IPO11: variants seen among roughly 807,000 people sequenced by gnomAD.
IPO11 encodes importin-11.
IPO11 carries 66 observed loss-of-function variants against 143.2 expected under a neutral mutation model. That is an observed-to-expected ratio of 0.46 (90% CI 0.38 to 0.57). IPO11 has a LOEUF of 0.57. IPO11 is among the 20% of genes least tolerant of loss of function. The pLI is 0.00. For synonymous variants in IPO11, 385 were observed against 377.8 expected (o/e 1.02, Z -0.22); for missense variants, 1,026 against 1,141.0 (o/e 0.90, Z 1.45).
chr5:62,617,201 T>C (rs73760842), intron 29 of IPO11, among the ~76,000 whole-genome samples: 2,232 of 152,332 alleles, frequency 0.015, 53 homozygotes, highest in African/African-American at 0.052. Flanking sequence ...TCTCAGTCCC[T>C]GTAATAAAAA....
At chr5:62,480,542 T>G (rs1746151255) in intron 9 of IPO11, among the ~76,000 whole-genome samples, 1 of 152,208 alleles carries the variant, frequency 6.6e-6, no homozygotes, top group Non-Finnish European at 1.5e-5. Flanking sequence ...GTATGGCCAT[T>G]TTCACGATAT....
intron 27 of IPO11, among the ~76,000 whole-genome samples, chr5:62,571,927 C>T (rs952104233): frequency 1.3e-5 from 2 of 152,128 alleles, no homozygotes; most frequent in Admixed American, 1.3e-4. Context: ...CTCAGGTGAT[C>T]CACCCACCTC....
chr5:62,507,845 C>A (rs1741604676), intron 19 of IPO11, among the ~76,000 whole-genome samples: 1 of 152,154 alleles, frequency 6.6e-6, no homozygotes, highest in Non-Finnish European at 1.5e-5. Context: ...TTTCTGTCTA[C>A]ACTCATCTTT....
intron 23 of IPO11, 80 bp from the exon 24 acceptor site, chr5:62,537,129 A>G: frequency 7.2e-6 from 6 of 835,762 alleles, no homozygotes; most frequent in South Asian, 3.3e-5. Flanking sequence ...GTATATTATA[A>G]TGAATCCCAA....
chr5:62,613,901 CAG>C (rs1187281232), intron 29 of IPO11, among the ~76,000 whole-genome samples: 2 of 152,130 alleles, frequency 1.3e-5, no homozygotes, highest in African/African-American at 4.8e-5. Context: ...AAGATGATTC[CAG>C]CCCCCGAAGG....
At chr5:62,550,540 G>C (rs1186623972) in intron 25 of IPO11, 78 bp downstream of exon 25, 3 of 933,026 alleles carry the variant, frequency 3.2e-6, no homozygotes, top group African/African-American at 3.4e-5. Context: ...AGATACAGAA[G>C]GAAAGCTTTT....
intron 1 of IPO11, 93 bp from the exon 2 acceptor site, chr5:62,437,181 C>A: frequency 1.0e-6 from 1 of 991,560 alleles, no homozygotes; most frequent in Non-Finnish European, 1.5e-6. Flanking sequence ...GGGAGTAATT[C>A]AGAACATGAA....
chr5:62,525,730 A>G (rs376922784), intron 20 of IPO11, among the ~76,000 whole-genome samples: 1 of 152,232 alleles, frequency 6.6e-6, no homozygotes, highest in East Asian at 1.9e-4. Context: ...AATCTGTTCC[A>G]TAATTCGGTT....
intron 16 of IPO11, among the ~76,000 whole-genome samples, chr5:62,501,657 T>C (rs898866422): frequency 2.0e-5 from 3 of 152,188 alleles, no homozygotes; most frequent in Non-Finnish European, 4.4e-5. Flanking sequence ...TGATACCAGA[T>C]TGTATAATTC....
rs1746660299 is a variant in IPO11, at chr5:62,628,476, C to T, written c.*1158C>T. 6.6e-6 allele frequency: 1 copy of T among 152,524 alleles called. No individual in the cohort carries two copies. The highest frequency in any genetic ancestry group is 6.6e-5 in the Admixed American group (1 of 15,266). 9.4% of individuals were successfully genotyped at this position (152,524 alleles called of 1,614,324 possible). On this transcript the variant is annotated 3_prime_UTR_variant, in exon 30 of 30. Transcript: ENST00000325324. ...GGTACAGTATGTAACTGCGGGAAAC[C>T]CACTGCCCCTTTGTAAGCTGTGGAA...
At chr5:62,615,273 T>TC (rs1746089623) in intron 29 of IPO11, among the ~76,000 whole-genome samples, 1 of 152,152 alleles carries the variant, frequency 6.6e-6, no homozygotes, top group Non-Finnish European at 1.5e-5. Flanking sequence ...AACAACCCCC[T>TC]CCAATAACAA....
At chr5:62,593,945 T>G (rs1355640444) in intron 28 of IPO11, among the ~76,000 whole-genome samples, 1 of 152,216 alleles carries the variant, frequency 6.6e-6, no homozygotes, top group African/African-American at 2.4e-5. Context: ...AAATAAACTT[T>G]CAGAAATGCC....
chr5:62,556,281 C>T (rs960717584), intron 26 of IPO11, among the ~76,000 whole-genome samples: 2 of 152,238 alleles, frequency 1.3e-5, no homozygotes, highest in Admixed American at 6.5e-5. Context: ...GCTGAGATTG[C>T]ACCACTGCTC....
intron 18 of IPO11, among the ~76,000 whole-genome samples, chr5:62,505,714 C>T (rs536339368): frequency 2.0e-5 from 3 of 151,988 alleles, no homozygotes; most frequent in East Asian, 3.9e-4. Flanking sequence ...TTTTGATTTC[C>T]TAATAAGAAC....
At chr5:62,455,418 G>A (rs1365959273) in intron 5 of IPO11, among the ~76,000 whole-genome samples, 1 of 152,180 alleles carries the variant, frequency 6.6e-6, no homozygotes, top group Non-Finnish European at 1.5e-5. Context: ...AGCTACTCAG[G>A]AGGCTGAGGC....
At chr5:62,466,970 T>C (rs1223773407) in intron 5 of IPO11, among the ~76,000 whole-genome samples, 161 bp from the exon 6 acceptor site, 1 of 152,236 alleles carries the variant, frequency 6.6e-6, no homozygotes, top group African/African-American at 2.4e-5. Context: ...GCATTGTGGC[T>C]AAAAAAGTAT....
rs1236315744 is a variant in IPO11, at chr5:62,484,013, G to A, written c.1025G>A (p.Ser342Asn). The change falls in exon 11 of 30, where the codon AGC becomes AAC. Residue 342 changes from serine (S) to asparagine (N), a missense_variant. This residue lies in a region of IPO11 where 429 missense variants were observed against 456.3 expected (regional missense o/e 0.94). Transcript: ENST00000325324. ...CTTGGAAATTTCATTTTTCTAGATA[G>A]CAGCCCTGAAACTCTTGAAGCCCAT... ...AYKPSKNFED[S>N]SPETLEAHKI... 3 of 1,598,368 alleles carry A rather than the reference G, an allele frequency of 1.9e-6. No homozygotes were observed. Among genetic ancestry groups the A allele is most frequent in the South Asian group, 2.3e-5 (2 of 87,156 alleles).
chr5:62,511,401 T>C (rs1399674878), intron 19 of IPO11, among the ~76,000 whole-genome samples: 1 of 152,224 alleles, frequency 6.6e-6, no homozygotes, highest in East Asian at 1.9e-4. Context: ...CTTAGCAATA[T>C]TGAGTACATG....
chr5:62,500,567 A>G (rs1741314149), intron 16 of IPO11, among the ~76,000 whole-genome samples: 1 of 152,194 alleles, frequency 6.6e-6, no homozygotes, highest in Non-Finnish European at 1.5e-5. Context: ...GCGTGATCAT[A>G]GCTTACTGCA....
Sources: allele counts gnomAD v4.1 joint callset (sites outside exome capture counted in the v4.1 genomes callset), GRCh38; gene constraint gnomAD v4.1.1; regional missense constraint gnomAD v4.1.1; transcripts MANE v1.5; gene names NCBI Gene and HGNC (gene_info 2026-07-23, HGNC 2026-07-21).